ADAM32: variants seen among roughly 807,000 people sequenced by gnomAD.
The protein encoded by ADAM32 is disintegrin and metalloproteinase domain-containing protein 32.
ADAM32 carries 89 observed loss-of-function variants against 114.9 expected under a neutral mutation model. The ratio of observed to expected loss-of-function variants is 0.77; its 90% CI spans 0.65 to 0.92. The LOEUF is 0.92. ADAM32 is among the 40% of genes least tolerant of loss of function. ADAM32 has a pLI of 0.00. For missense variants in ADAM32, 870 were observed against 932.8 expected (o/e 0.93, Z 0.88); for synonymous variants, 285 against 307.5 (o/e 0.93, Z 0.77).
In ADAM32 at chr8:39,211,164, C is replaced by G. The variant is rs773919746; in HGVS notation, c.1073C>G (p.Thr358Ser). Reference protein sequence around the residue: ...PEVVQSNGVKTFSSCSLRSFQ... With the variant: ...PEVVQSNGVKSFSSCSLRSFQ... ...TTTAGGCAATCCAATGGTGTGAAGACTTTTAGCAGTTGCAGTTTGAGGAGC... is the reference window on the plus strand; with the variant it reads ...TTTAGGCAATCCAATGGTGTGAAGAGTTTTAGCAGTTGCAGTTTGAGGAGC... The change falls in exon 12 of 25, where the codon ACT becomes AGT. Residue 358 changes from threonine to serine, a missense_variant. Physicochemically the swap from Thr to Ser is moderately conservative, Grantham distance 58. Transcript: ENST00000379907. The G allele has an allele frequency of 4.9e-5, 78 of 1,595,754 alleles. 1 individual carries two copies. In the South Asian group the frequency reaches 6.2e-4, roughly 13 times the overall value.
intron 20 of ADAM32, among the ~76,000 whole-genome samples, chr8:39,273,655 C>T (rs182044028): frequency 6.6e-6 from 1 of 152,220 alleles, no homozygotes; most frequent in Non-Finnish European, 1.5e-5. Context: ...ATATGACTGG[C>T]AGCACTGTAG....
intron 11 of ADAM32, among the ~76,000 whole-genome samples, chr8:39,188,206 A>G (rs1806375057): frequency 6.6e-6 from 1 of 152,208 alleles, no homozygotes; most frequent in Admixed American, 6.5e-5. Flanking sequence ...CATATTTTAT[A>G]TGTGTATACA....
intron 6 of ADAM32, among the ~76,000 whole-genome samples, chr8:39,152,880 G>A (rs1259426307): frequency 6.6e-6 from 1 of 152,226 alleles, no homozygotes; most frequent in Admixed American, 6.5e-5. Context: ...GTGTGAGCAA[G>A]CATAATATGT....
chr8:39,227,686 G>A (rs1311480991), intron 14 of ADAM32, among the ~76,000 whole-genome samples: 1 of 152,110 alleles, frequency 6.6e-6, no homozygotes, highest in African/African-American at 2.4e-5. Flanking sequence ...ACCCGACTAA[G>A]GAGAGTCTGA....
intron 16 of ADAM32, among the ~76,000 whole-genome samples, chr8:39,235,434 G>A (rs1470359002): frequency 6.6e-6 from 1 of 151,962 alleles, no homozygotes; most frequent in Non-Finnish European, 1.5e-5. Context: ...TTATGCATTC[G>A]AGTCATAAGT....
intron 22 of ADAM32, among the ~76,000 whole-genome samples, chr8:39,278,000 A>C (rs1349562198): frequency 6.6e-6 from 1 of 152,196 alleles, no homozygotes; most frequent in African/African-American, 2.4e-5. Context: ...GGCATCCAGG[A>C]AAAATGAGGT....
chr8:39,173,868 A>C (rs996364423), intron 10 of ADAM32, among the ~76,000 whole-genome samples: 3 of 152,088 alleles, frequency 2.0e-5, no homozygotes, highest in African/African-American at 7.2e-5. Flanking sequence ...TCTGTAGCCC[A>C]GGCTGGAGTG....
chr8:39,281,605 G>C (rs1288524443), intron 23 of ADAM32, among the ~76,000 whole-genome samples: 1 of 152,112 alleles, frequency 6.6e-6, no homozygotes, highest in Admixed American at 6.5e-5. Flanking sequence ...AAGAGTTTAG[G>C]AGACAGTATT....
intron 17 of ADAM32, among the ~76,000 whole-genome samples, chr8:39,248,264 A>G (rs577929569): frequency 2.6e-5 from 4 of 152,304 alleles, no homozygotes; most frequent in East Asian, 1.9e-4. Flanking sequence ...TGTTCCATCT[A>G]TAGATCAAGT....
intron 7 of ADAM32, among the ~76,000 whole-genome samples, chr8:39,162,441 T>C (rs1804574088): frequency 6.6e-6 from 1 of 152,106 alleles, no homozygotes; most frequent in African/African-American, 2.4e-5. Flanking sequence ...TCCAAGTCTT[T>C]GCTATTGTGA....
intron 17 of ADAM32, among the ~76,000 whole-genome samples, chr8:39,252,636 G>C (rs557440020): frequency 2.0e-5 from 3 of 151,310 alleles, no homozygotes; most frequent in Non-Finnish European, 4.4e-5. Context: ...AGGAAATTAA[G>C]AGTTGAGTTT....
intron 14 of ADAM32, among the ~76,000 whole-genome samples, chr8:39,229,908 G>T (rs1352535841): frequency 6.6e-6 from 1 of 152,082 alleles, no homozygotes; most frequent in Non-Finnish European, 1.5e-5. Flanking sequence ...ATTTAACAAT[G>T]CATGGAACTC....
chr8:39,237,831 C>T (rs966116736), intron 16 of ADAM32, among the ~76,000 whole-genome samples: 1 of 152,162 alleles, frequency 6.6e-6, no homozygotes, highest in African/African-American at 2.4e-5. Flanking sequence ...GACAGTAACT[C>T]ATGGGAGCTC....
At chr8:39,203,871 T>A (rs1335895327) in intron 11 of ADAM32, among the ~76,000 whole-genome samples, 2 of 152,188 alleles carry the variant, frequency 1.3e-5, no homozygotes, top group African/African-American at 4.8e-5. Flanking sequence ...TAAAGGATTT[T>A]ATTTCTCCTT....
chr8:39,201,536 T>G (rs975640901), intron 11 of ADAM32, among the ~76,000 whole-genome samples: 3 of 152,114 alleles, frequency 2.0e-5, no homozygotes, highest in South Asian at 2.1e-4. Flanking sequence ...GGCTGAGACG[T>G]TGGGGTTTTC....
intron 14 of ADAM32, among the ~76,000 whole-genome samples, chr8:39,228,483 A>C (rs1189053064): frequency 6.6e-6 from 1 of 152,212 alleles, no homozygotes; most frequent in Non-Finnish European, 1.5e-5. Context: ...GCTTAAAGAA[A>C]AAACATAAAA....
At chr8:39,271,263 A>C (rs1181674471) in intron 20 of ADAM32, among the ~76,000 whole-genome samples, 1 of 152,172 alleles carries the variant, frequency 6.6e-6, no homozygotes, top group Non-Finnish European at 1.5e-5. Context: ...TAAATGATAA[A>C]CCACATGTAT....
chr8:39,227,224 C>T (rs1809439740), intron 14 of ADAM32, among the ~76,000 whole-genome samples: 1 of 152,200 alleles, frequency 6.6e-6, no homozygotes, highest in Non-Finnish European at 1.5e-5. Context: ...CCCTCCCTTC[C>T]TCCTCTCCTG....
intron 2 of ADAM32, among the ~76,000 whole-genome samples, chr8:39,129,605 G>A (rs961089738): frequency 2.0e-5 from 3 of 152,106 alleles, no homozygotes; most frequent in African/African-American, 7.2e-5. Flanking sequence ...TATTTCAAGA[G>A]GGCTATTGGT....
Sources: gnomAD v4.1 joint callset for allele counts (sites outside exome capture counted in the v4.1 genomes callset) on GRCh38, gnomAD v4.1.1 for gene constraint, MANE v1.5 for transcripts, NCBI Gene and HGNC (gene_info 2026-07-23, HGNC 2026-07-21) for gene names.